The following TASP1 variants were observed in gnomAD, a reference collection of about 807,000 sequenced individuals.
TASP1 encodes the protein threonine aspartase 1.
TASP1 carries 16 observed loss-of-function variants against 56.6 expected under a neutral mutation model. The observed-to-expected ratio is 0.28, with a 90% CI of 0.19 to 0.43. TASP1 has a LOEUF of 0.43. Ranked by LOEUF, TASP1 falls within the 20% of genes least tolerant of loss-of-function variation. The probability of loss-of-function intolerance (pLI) is 1.00; values close to 1 mark genes in which losing one functional copy is unlikely to be tolerated. For missense variants in TASP1, 393 were observed against 511.6 expected, an observed-to-expected ratio of 0.77 and a Z score of 2.24; for synonymous variants, 179 against 184.2, an observed-to-expected ratio of 0.97 and a Z score of 0.23.
chr20:13,318,138 A>AATAAATAAATAAATAT, the TASP1 span, among the ~76,000 whole-genome samples: 1 of 149,548 alleles, frequency 6.7e-6, no homozygotes, highest in Admixed American at 6.6e-5. Context: ...CACTTGAAAA[A>AATAAATAAATAAATAT]ATAAATAAAT....
the TASP1 span, among the ~76,000 whole-genome samples, chr20:13,312,228 C>T: frequency 1.3e-5 from 2 of 152,182 alleles, no homozygotes; most frequent in East Asian, 1.9e-4. Flanking sequence ...TGCAATTATG[C>T]TGTGAGTTTA....
At chr20:13,303,391 G>T in the TASP1 span, among the ~76,000 whole-genome samples, 1 of 152,354 alleles carries the variant, frequency 6.6e-6, no homozygotes, top group African/African-American at 2.4e-5. Context: ...CCCTTGCTCA[G>T]GTTGGGTAAG....
chr20:13,189,312 A>G, the TASP1 span, among the ~76,000 whole-genome samples: 1 of 152,232 alleles, frequency 6.6e-6, no homozygotes, highest in Non-Finnish European at 1.5e-5. Flanking sequence ...ATTGGGACCT[A>G]ATTAAACTAA....
At chr20:13,332,896 T>C in the TASP1 span, among the ~76,000 whole-genome samples, 1 of 152,212 alleles carries the variant, frequency 6.6e-6, no homozygotes, top group Non-Finnish European at 1.5e-5. Context: ...TTGTATGTTG[T>C]GGGTATAACA....
At chr20:13,224,655 A>T in the TASP1 span, among the ~76,000 whole-genome samples, 18 of 151,824 alleles carry the variant, frequency 1.2e-4, no homozygotes, top group Admixed American at 1.2e-3. Flanking sequence ...TGCAATGGTG[A>T]GTTTATTTAC....
the TASP1 span, among the ~76,000 whole-genome samples, chr20:13,355,113 C>T: frequency 6.6e-6 from 1 of 152,096 alleles, no homozygotes; most frequent in African/African-American, 2.4e-5. Flanking sequence ...GGTCTTAACA[C>T]AGCAGGAAGT....
intron 8 of TASP1, among the ~76,000 whole-genome samples, chr20:13,548,508 T>A (rs2045881226): frequency 6.6e-6 from 1 of 152,154 alleles, no homozygotes; most frequent in Admixed American, 6.6e-5. Flanking sequence ...AAATAGCTGC[T>A]AATGTGTCAG....
At chr20:13,607,452 C>T (rs1261072523) in intron 4 of TASP1, among the ~76,000 whole-genome samples, 4 of 152,226 alleles carry the variant, frequency 2.6e-5, no homozygotes, top group Non-Finnish European at 5.9e-5. Context: ...TACTGCATCT[C>T]TGAGGATCTA....
chr20:13,555,382 TAAAAAAAAA>T (rs59279659), intron 8 of TASP1, among the ~76,000 whole-genome samples: 1 of 99,352 alleles, frequency 1.0e-5, no homozygotes, highest in Non-Finnish European at 1.9e-5. Flanking sequence ...AGACTCCCTC[TAAAAAAAAA>T]AAAAAAAAAA....
the TASP1 span, among the ~76,000 whole-genome samples, chr20:13,281,795 T>C: frequency 6.6e-6 from 1 of 152,232 alleles, no homozygotes; most frequent in Non-Finnish European, 1.5e-5. Flanking sequence ...GCACAGCGTT[T>C]GTGGCTTCAC....
the TASP1 span, chr20:13,288,748 C>A: frequency 6.9e-7 from 1 of 1,452,344 alleles, no homozygotes; most frequent in South Asian, 1.2e-5. Flanking sequence ...TCATTAAAAA[C>A]TTAGTGACAT....
the TASP1 span, among the ~76,000 whole-genome samples, chr20:13,204,668 T>C: frequency 3.3e-4 from 50 of 152,066 alleles, no homozygotes; most frequent in African/African-American, 1.2e-3. Flanking sequence ...GCCTCCCAAG[T>C]AGCTGGGATT....
intron 10 of TASP1, among the ~76,000 whole-genome samples, chr20:13,507,395 T>C (rs2044171519): frequency 6.6e-6 from 1 of 152,002 alleles, no homozygotes; most frequent in Admixed American, 6.6e-5. Flanking sequence ...TATCCGGGCA[T>C]GGTGGCACGT....
chr20:13,403,773 T>A (rs897026404), intron 13 of TASP1, among the ~76,000 whole-genome samples: 1 of 152,030 alleles, frequency 6.6e-6, no homozygotes, highest in Non-Finnish European at 1.5e-5. Flanking sequence ...TCCTAGTTAC[T>A]AGGGAGGCTG....
At chr20:13,196,639 T>G in the TASP1 span, among the ~76,000 whole-genome samples, 1 of 152,228 alleles carries the variant, frequency 6.6e-6, no homozygotes, top group East Asian at 1.9e-4. Flanking sequence ...AAATATATTT[T>G]ATTAATCATT....
the TASP1 span, among the ~76,000 whole-genome samples, chr20:13,284,178 G>A: frequency 6.6e-6 from 1 of 152,186 alleles, no homozygotes; most frequent in Admixed American, 6.5e-5. Flanking sequence ...CTCAGTAATC[G>A]GTAGACACTG....
intron 10 of TASP1, among the ~76,000 whole-genome samples, chr20:13,521,014 C>T (rs2044729400): frequency 1.3e-5 from 2 of 152,116 alleles, no homozygotes; most frequent in African/African-American, 2.4e-5. Flanking sequence ...CCAAAAGACA[C>T]ATGAAAAAAT....
At chr20:13,157,413 G>T in the TASP1 span, among the ~76,000 whole-genome samples, 1 of 152,006 alleles carries the variant, frequency 6.6e-6, no homozygotes, top group Non-Finnish European at 1.5e-5. Context: ...CTCCAGCCTG[G>T]GCAACAAGAG....
chr20:13,545,622 CA>C (rs2045779924), intron 8 of TASP1, among the ~76,000 whole-genome samples: 2 of 151,272 alleles, frequency 1.3e-5, no homozygotes, highest in East Asian at 1.9e-4. Context: ...GTTTGACCAG[CA>C]AAGTGTAGTT....
Sources: gnomAD v4.1 joint callset for allele counts (sites outside exome capture counted in the v4.1 genomes callset) on GRCh38, gnomAD v4.1.1 for gene constraint, MANE v1.5 for transcripts, NCBI Gene and HGNC (gene_info 2026-07-23, HGNC 2026-07-21) for gene names.